Variants in MBNL1 observed in about 807,000 individuals in gnomAD.
MBNL1 encodes muscleblind like splicing regulator 1, also known as muscleblind-like protein 1.
A neutral mutation model predicts 42.2 loss-of-function variants in MBNL1; 8 were observed. The observed-to-expected ratio is 0.19, with a 90% CI of 0.11 to 0.34. MBNL1 has a LOEUF of 0.34. Among genes scored for constraint, MBNL1 ranks in the 10% least tolerant of loss-of-function variants. The pLI is 1.00. For missense variants in MBNL1, 309 were observed against 495.3 expected (o/e 0.62, Z 3.57); for synonymous variants, 169 against 173.9 (o/e 0.97, Z 0.22).
At chr3:152,367,334 A>G (rs987251457) in intron 2 of MBNL1, among the ~76,000 whole-genome samples, 3 of 152,108 alleles carry the variant, frequency 2.0e-5, no homozygotes, top group South Asian at 4.1e-4. Context: ...AGCTTCATCC[A>G]TGTCCCTGCA....
intron 2 of MBNL1, among the ~76,000 whole-genome samples, chr3:152,261,126 C>T (rs185253425): frequency 1.6e-4 from 25 of 152,198 alleles, no homozygotes; most frequent in African/African-American, 2.9e-4. Flanking sequence ...ACCTTGGCTG[C>T]GCTTTGAAAT....
At chr3:152,247,782 A>G (rs1039340402) in intron 2 of MBNL1, among the ~76,000 whole-genome samples, 8 of 151,896 alleles carry the variant, frequency 5.3e-5, no homozygotes, top group Admixed American at 5.3e-4. Context: ...CTTTTTATTT[A>G]ATTTTTTTGC....
At chr3:152,253,197 C>T (rs2034921174) in intron 2 of MBNL1, among the ~76,000 whole-genome samples, 1 of 152,222 alleles carries the variant, frequency 6.6e-6, no homozygotes, top group South Asian at 2.1e-4. Flanking sequence ...CCCCTCATTT[C>T]CTACCCCTCT....
At chr3:152,275,405 A>G (rs942459942) in intron 1 of MBNL1, among the ~76,000 whole-genome samples, 2 of 152,072 alleles carry the variant, frequency 1.3e-5, no homozygotes, top group African/African-American at 4.8e-5. Flanking sequence ...CTATATCTAA[A>G]TTTGGTTTGA....
chr3:152,447,505 G>T, intron 5 of MBNL1, 115 bp from the exon 6 acceptor site: 27 of 404,104 alleles, frequency 6.7e-5, no homozygotes, highest in East Asian at 1.2e-4. Context: ...GGGTAGTTAA[G>T]TGCTCTGCTG....
intron 2 of MBNL1, among the ~76,000 whole-genome samples, chr3:152,394,652 A>G (rs189269449): frequency 1.3e-5 from 2 of 152,294 alleles, no homozygotes; most frequent in East Asian, 3.9e-4. Flanking sequence ...CATGGATCTT[A>G]TTCCCTAGTG....
intron 2 of MBNL1, among the ~76,000 whole-genome samples, chr3:152,311,412 A>T (rs1317420551): frequency 6.6e-6 from 1 of 152,190 alleles, no homozygotes; most frequent in Non-Finnish European, 1.5e-5. Flanking sequence ...ATATGCTTAA[A>T]AACCTTTGTA....
chr3:152,307,769 C>T (rs1295745229), intron 2 of MBNL1, among the ~76,000 whole-genome samples: 1 of 151,886 alleles, frequency 6.6e-6, no homozygotes, highest in Non-Finnish European at 1.5e-5. Flanking sequence ...TCTAAGGATT[C>T]GACAAAGAAA....
intron 2 of MBNL1, among the ~76,000 whole-genome samples, chr3:152,406,036 A>G (rs1487341871): frequency 6.6e-6 from 1 of 152,190 alleles, no homozygotes; most frequent in Non-Finnish European, 1.5e-5. Context: ...AGCAGCCAAC[A>G]AATGTTGGAG....
At chr3:152,389,064 A>G (rs1333205656) in intron 2 of MBNL1, among the ~76,000 whole-genome samples, 1 of 152,126 alleles carries the variant, frequency 6.6e-6, no homozygotes, top group Non-Finnish European at 1.5e-5. Flanking sequence ...ATCAGTCTTT[A>G]TACATACCCT....
intron 3 of MBNL1, among the ~76,000 whole-genome samples, chr3:152,430,437 C>T (rs1177836695): frequency 6.6e-6 from 1 of 152,178 alleles, no homozygotes; most frequent in African/African-American, 2.4e-5. Context: ...TGAATAGCTT[C>T]TGTTGTCCAT....
intron 3 of MBNL1, among the ~76,000 whole-genome samples, chr3:152,430,016 A>T (rs2098986310): frequency 6.6e-6 from 1 of 152,190 alleles, no homozygotes; most frequent in African/African-American, 2.4e-5. Flanking sequence ...TTCAGATTTG[A>T]ATTTGCTCTG....
intron 2 of MBNL1, among the ~76,000 whole-genome samples, chr3:152,361,087 G>T (rs936734693): frequency 2.0e-5 from 3 of 152,014 alleles, no homozygotes; most frequent in Non-Finnish European, 2.9e-5. Flanking sequence ...TATTACCATT[G>T]TAAGTGTAGA....
In MBNL1 at chr3:152,307,381, A is replaced by G. The variant is rs554022971; in HGVS notation, c.174+7014A>G. Reference sequence around the variant, plus strand: ...AAAAACAGGTCCCAAGTGATTTTATATGACAAAAGAATCTGCACTTTGATT... The same window carrying G: ...AAAAACAGGTCCCAAGTGATTTTATGTGACAAAAGAATCTGCACTTTGATT... On this transcript the variant is annotated intron_variant, in intron 2 of 9. Transcript: ENST00000324210. Among the ~76,000 whole-genome samples, 19 of 152,364 alleles carry G rather than the reference A, an allele frequency of 1.2e-4. No homozygotes were observed. The South Asian group carries it at 2.3e-3, about 18-fold the overall frequency.
In MBNL1 at chr3:152,447,725, G is replaced by T; in HGVS notation, c.913G>T (p.Ala305Ser). The change falls in exon 6 of 10, where the codon GCT becomes TCT. Residue 305 changes from alanine (A) to serine (S), a missense_variant. Coordinates refer to ENST00000324210, the MANE Select transcript of MBNL1 (RefSeq NM_021038.5). ...CACTGGTATTTTCCAATACCAACAGGCTCTAGCCAACATGCAGTTACAACA... is the reference window on the plus strand; with the variant it reads ...CACTGGTATTTTCCAATACCAACAGTCTCTAGCCAACATGCAGTTACAACA... ...FNTGIFQYQQ[A>S]LANMQLQQHT... The T allele has an allele frequency of 1.9e-6, 3 of 1,613,566 alleles. No homozygotes were observed. Among genetic ancestry groups the T allele is most frequent in the Non-Finnish European group, 2.5e-6 (3 of 1,179,646 alleles).
intron 4 of MBNL1, among the ~76,000 whole-genome samples, chr3:152,436,469 A>T (rs1188692422): frequency 6.6e-6 from 1 of 152,218 alleles, no homozygotes; most frequent in African/African-American, 2.4e-5. Flanking sequence ...GAGGAAACTT[A>T]AAAATTTTTA....
intron 1 of MBNL1, among the ~76,000 whole-genome samples, chr3:152,276,195 C>T (rs564142365): frequency 6.6e-6 from 1 of 152,170 alleles, no homozygotes; most frequent in East Asian, 1.9e-4. Flanking sequence ...TGTCTTGCCT[C>T]CACTGATTAT....
intron 2 of MBNL1, among the ~76,000 whole-genome samples, chr3:152,356,856 A>AGTGTGTGTGTGTGTGTGTGTGT (rs59868027): frequency 1.1e-4 from 16 of 149,490 alleles, no homozygotes; most frequent in Middle Eastern, 3.5e-3. Context: ...ATATGTGTGT[A>AGTGTGTGTGTGTGTGTGTGTGT]GTGTGTGTGT....
intron 2 of MBNL1, among the ~76,000 whole-genome samples, chr3:152,320,607 CAG>C (rs957457629): frequency 2.0e-5 from 3 of 151,330 alleles, no homozygotes; most frequent in Non-Finnish European, 4.4e-5. Flanking sequence ...CAGCTTAACA[CAG>C]AATATTTAGC....
Sources: gnomAD v4.1 joint callset for allele counts (sites outside exome capture counted in the v4.1 genomes callset) on GRCh38, gnomAD v4.1.1 for gene constraint, MANE v1.5 for transcripts, NCBI Gene and HGNC (gene_info 2026-07-23, HGNC 2026-07-21) for gene names.